Variants in PID1 observed in about 807,000 individuals in gnomAD.
The protein encoded by PID1 is phosphotyrosine interaction domain containing 1.
A neutral mutation model predicts 19.1 loss-of-function variants in PID1; 10 were observed. The ratio of observed to expected loss-of-function variants is 0.52; its 90% CI spans 0.32 to 0.89. The LOEUF (loss-of-function observed/expected upper bound fraction) is 0.89. Among genes scored for constraint, PID1 ranks in the 40% least tolerant of loss-of-function variants. The pLI is 0.03. For synonymous variants in PID1, 130 were observed against 116.0 expected (o/e 1.12, Z -0.78); for missense variants, 248 against 285.3 (o/e 0.87, Z 0.94).
chr2:229,139,051 AAGAAAGAG>A (rs1689934677), intron 2 of PID1, among the ~76,000 whole-genome samples: 2 of 68,586 alleles, frequency 2.9e-5, no homozygotes, highest in South Asian at 5.1e-4. Context: ...GAAAGAAAGA[AAGAAAGAG>A]AAAGAAAGAA....
chr2:229,055,916 C>T (rs1694088915), intron 2 of PID1, among the ~76,000 whole-genome samples: 1 of 152,170 alleles, frequency 6.6e-6, no homozygotes, highest in Non-Finnish European at 1.5e-5. Flanking sequence ...CACATAGGAG[C>T]AAGTTAAGGC....
chr2:229,227,059 T>C (rs1279861383), intron 1 of PID1, among the ~76,000 whole-genome samples: 3 of 152,172 alleles, frequency 2.0e-5, no homozygotes, highest in Admixed American at 2.0e-4. Flanking sequence ...AAAAAACAAA[T>C]AAACGCAAAC....
intron 2 of PID1, among the ~76,000 whole-genome samples, chr2:229,119,579 C>G (rs911127293): frequency 6.6e-6 from 1 of 152,166 alleles, no homozygotes; most frequent in Admixed American, 6.6e-5. Context: ...AATACCTTTA[C>G]AGGCTACTTG....
intron 1 of PID1, among the ~76,000 whole-genome samples, chr2:229,232,573 G>C (rs1692233519): frequency 6.6e-6 from 1 of 150,990 alleles, no homozygotes. Flanking sequence ...ATCAGAGATA[G>C]GAAGATAATG....
Position 229,138,994 on chromosome 2 carries a change from A to C in PID1, c.177+16824T>G, listed in dbSNP as rs1486049146. Among the ~76,000 whole-genome samples, 130 of 83,442 alleles carry C rather than the reference A, an allele frequency of 1.6e-3. 4 individuals are homozygous for C. Among genetic ancestry groups the C allele is most frequent in the African/African-American group, 5.7e-3 (121 of 21,084 alleles). 54.7% of individuals were successfully genotyped at this position (83,442 alleles called of 152,430 possible). A position where few individuals can be genotyped will look rare whatever the true frequency, so the allele number is the denominator to read the frequency against. ...AGAAAAAAATAGAAGAAAGAAAGAA[A>C]GAAAGAAAGAAAGAAAGAAAGAAAG... On this transcript the variant is annotated intron_variant, in intron 2 of 2. Transcript: ENST00000392055.
intron 2 of PID1, among the ~76,000 whole-genome samples, chr2:229,048,837 G>T (rs182088817): frequency 4.6e-5 from 7 of 152,158 alleles, no homozygotes; most frequent in African/African-American, 1.7e-4. Context: ...CAGTATTTTG[G>T]GTGTTACGCA....
chr2:229,028,756 A>G (rs1213520856), intron 2 of PID1, among the ~76,000 whole-genome samples: 1 of 152,246 alleles, frequency 6.6e-6, no homozygotes, highest in Admixed American at 6.5e-5. Context: ...AAGTGAATTC[A>G]GGAACAGAAA....
chr2:229,238,802 T>C (rs897009432), intron 1 of PID1, among the ~76,000 whole-genome samples: 3 of 152,074 alleles, frequency 2.0e-5, no homozygotes, highest in South Asian at 2.1e-4. Context: ...TGGGTGCTAG[T>C]ATTGGTCAAA....
At chr2:229,152,816 C>A (rs993803403) in intron 2 of PID1, among the ~76,000 whole-genome samples, 4 of 152,012 alleles carry the variant, frequency 2.6e-5, no homozygotes, top group African/African-American at 9.7e-5. Context: ...CAGTGGTGCT[C>A]GCCATAACCC....
chr2:229,239,298 G>A (rs959354231), intron 1 of PID1, among the ~76,000 whole-genome samples: 3 of 152,114 alleles, frequency 2.0e-5, no homozygotes, highest in African/African-American at 7.2e-5. Context: ...CACTGCTGTA[G>A]AAGAAGTTTA....
chr2:229,123,427 G>C (rs1031051958), intron 2 of PID1, among the ~76,000 whole-genome samples: 2 of 152,154 alleles, frequency 1.3e-5, no homozygotes, highest in Non-Finnish European at 2.9e-5. Flanking sequence ...TTTATCAGTT[G>C]ATAGATATTT....
At chr2:229,189,067 C>T (rs183168745) in intron 1 of PID1, among the ~76,000 whole-genome samples, 1 of 152,164 alleles carries the variant, frequency 6.6e-6, no homozygotes, top group Non-Finnish European at 1.5e-5. Flanking sequence ...GAGAAGAACT[C>T]GTGAAGTGAA....
At chr2:229,111,015 A>T (rs979597383) in intron 2 of PID1, among the ~76,000 whole-genome samples, 1 of 152,162 alleles carries the variant, frequency 6.6e-6, no homozygotes, top group Non-Finnish European at 1.5e-5. Context: ...ATGGTAGTGA[A>T]TAAGTCTCAT....
intron 2 of PID1, among the ~76,000 whole-genome samples, chr2:229,098,362 G>A (rs1695011490): frequency 6.6e-6 from 1 of 152,208 alleles, no homozygotes; most frequent in South Asian, 2.1e-4. Flanking sequence ...ATGGTGTCAG[G>A]AATTTAGCAA....
At chr2:229,153,267 A>G (rs979298060) in intron 2 of PID1, among the ~76,000 whole-genome samples, 1 of 152,246 alleles carries the variant, frequency 6.6e-6, no homozygotes, top group Admixed American at 6.5e-5. Context: ...AATAGTATAC[A>G]ATTTGGAGAA....
intron 1 of PID1, among the ~76,000 whole-genome samples, chr2:229,159,339 A>G (rs947087095): frequency 7.9e-5 from 12 of 152,326 alleles, no homozygotes; most frequent in African/African-American, 2.9e-4. Flanking sequence ...TTCAAACACC[A>G]ATCTATGTGT....
chr2:229,209,131 G>A (rs1032767676), intron 1 of PID1, among the ~76,000 whole-genome samples: 1 of 152,308 alleles, frequency 6.6e-6, no homozygotes, highest in African/African-American at 2.4e-5. Context: ...CACATCTTAT[G>A]CAAAATGTCC....
chr2:229,103,842 G>T (rs1473179546), intron 2 of PID1, among the ~76,000 whole-genome samples: 1 of 152,160 alleles, frequency 6.6e-6, no homozygotes, highest in Non-Finnish European at 1.5e-5. Context: ...CTCCCAAAGT[G>T]TTGGGATTAC....
chr2:229,202,157 C>T (rs776923402), intron 1 of PID1, among the ~76,000 whole-genome samples: 2 of 151,952 alleles, frequency 1.3e-5, no homozygotes, highest in Admixed American at 1.3e-4. Flanking sequence ...GAAAAGCACA[C>T]GTAATCCCTA....
Sources: gnomAD v4.1 joint callset for allele counts (sites outside exome capture counted in the v4.1 genomes callset) on GRCh38, gnomAD v4.1.1 for gene constraint, MANE v1.5 for transcripts, NCBI Gene and HGNC (gene_info 2026-07-23, HGNC 2026-07-21) for gene names.